Variants in PTPRD observed in about 807,000 individuals in gnomAD.
PTPRD encodes the protein protein tyrosine phosphatase receptor type D, also known as receptor-type tyrosine-protein phosphatase delta.
A neutral mutation model predicts 214.5 loss-of-function variants in PTPRD; 34 were observed. The ratio of observed to expected loss-of-function variants is 0.16; its 90% CI spans 0.12 to 0.21. The LOEUF (loss-of-function observed/expected upper bound fraction) is 0.21. Ranked by LOEUF, PTPRD falls within the 10% of genes least tolerant of loss-of-function variation. The pLI, the probability that PTPRD is intolerant of heterozygous loss-of-function variation, is 1.00. For missense variants in PTPRD, 2,545 were observed against 2,398.7 expected (o/e 1.06, Z -1.27); for synonymous variants, 1,128 against 845.7 (o/e 1.33, Z -5.79).
At chr9:9,007,800 C>CTT (rs35845079) in intron 11 of PTPRD, among the ~76,000 whole-genome samples, 5 of 102,728 alleles carry the variant, frequency 4.9e-5, no homozygotes, top group Non-Finnish European at 6.3e-5. Flanking sequence ...TTGTTTCTTT[C>CTT]TTTTTTTTTT....
chr9:9,912,640 T>G (rs1601871720), intron 5 of PTPRD, among the ~76,000 whole-genome samples: 1 of 152,174 alleles, frequency 6.6e-6, no homozygotes, highest in Non-Finnish European at 1.5e-5. Flanking sequence ...AGTTTGCATC[T>G]CCCTCTGGTG....
intron 33 of PTPRD, among the ~76,000 whole-genome samples, chr9:8,451,670 G>A (rs1040025565): frequency 2.0e-5 from 3 of 152,146 alleles, no homozygotes; most frequent in Admixed American, 6.5e-5. Flanking sequence ...TCAATTCCAC[G>A]TGAAACATAT....
intron 11 of PTPRD, among the ~76,000 whole-genome samples, chr9:9,008,590 G>A (rs988382619): frequency 6.6e-6 from 1 of 152,122 alleles, no homozygotes; most frequent in Non-Finnish European, 1.5e-5. Flanking sequence ...TGGAAAAAAA[G>A]GATGGAGTTA....
At chr9:10,157,106 A>T (rs2099098317) in intron 3 of PTPRD, among the ~76,000 whole-genome samples, 1 of 152,060 alleles carries the variant, frequency 6.6e-6, no homozygotes, top group African/African-American at 2.4e-5. Context: ...GTGCCTTTTG[A>T]TTGGGGGCAT....
intron 11 of PTPRD, among the ~76,000 whole-genome samples, chr9:8,917,088 G>C (rs990144129): frequency 3.4e-5 from 5 of 146,946 alleles, no homozygotes; most frequent in Admixed American, 2.0e-4. Context: ...CCATTGTATA[G>C]GCAATGAGAA....
At chr9:10,150,271 T>A (rs200635729) in intron 3 of PTPRD, among the ~76,000 whole-genome samples, 4 of 152,210 alleles carry the variant, frequency 2.6e-5, no homozygotes, top group Admixed American at 2.6e-4. Context: ...CAAATGTCCA[T>A]CAATGATAGA....
intron 21 of PTPRD, among the ~76,000 whole-genome samples, chr9:8,516,438 A>C (rs958671001): frequency 5.3e-5 from 8 of 152,336 alleles, no homozygotes; most frequent in African/African-American, 1.7e-4. Context: ...TATGAAAATA[A>C]AGGCAGGCGA....
intron 3 of PTPRD, among the ~76,000 whole-genome samples, chr9:10,199,804 C>A (rs555916658): frequency 6.6e-6 from 1 of 151,904 alleles, no homozygotes; most frequent in African/African-American, 2.4e-5. Flanking sequence ...GATCTCCTAT[C>A]TTTCCAACAA....
At position 9,357,966 on chromosome 9, in the gene PTPRD, G is replaced by A. The variant is rs1032595786; in HGVS notation, c.-203+39483C>T. 2.0e-5 allele frequency among the ~76,000 whole-genome samples: 3 copies of A among 151,118 alleles called. No homozygotes were observed. In the South Asian group the frequency reaches 6.2e-4, roughly 31 times the overall value. ...TTAGAATTTGCACTTTCCAAAGAGA[G>A]AAACTATTTCTCTGGAGTTCAGCTG... On this transcript the variant is annotated intron_variant, in intron 9 of 45. Coordinates refer to ENST00000381196, the MANE Select transcript of PTPRD (RefSeq NM_002839.4).
intron 2 of PTPRD, among the ~76,000 whole-genome samples, chr9:10,414,385 G>A (rs1443858484): frequency 6.6e-6 from 1 of 151,902 alleles, no homozygotes; most frequent in African/African-American, 2.4e-5. Flanking sequence ...AAACCACAGT[G>A]AGATACCATC....
intron 3 of PTPRD, among the ~76,000 whole-genome samples, chr9:10,099,884 A>G (rs2098534665): frequency 6.6e-6 from 1 of 151,788 alleles, no homozygotes; most frequent in Non-Finnish European, 1.5e-5. Context: ...AAAAAATGGT[A>G]TCACAACTAA....
intron 3 of PTPRD, among the ~76,000 whole-genome samples, chr9:10,039,113 C>T (rs1259370740): frequency 3.9e-5 from 6 of 152,036 alleles, no homozygotes; most frequent in Admixed American, 3.3e-4. Context: ...CAAAACTCTT[C>T]CTATCCCTAT....
chr9:8,928,268 G>A (rs1055039257), intron 11 of PTPRD, among the ~76,000 whole-genome samples: 1 of 152,130 alleles, frequency 6.6e-6, no homozygotes, highest in Admixed American at 6.6e-5. Context: ...TAGTCATGAA[G>A]TCTTTGCCCA....
chr9:8,871,553 C>G (rs117943540), intron 11 of PTPRD, among the ~76,000 whole-genome samples: 459 of 152,184 alleles, frequency 3.0e-3, no homozygotes, highest in Non-Finnish European at 4.5e-3. Context: ...TATTTAGAAC[C>G]AAGTTCTTGA....
chr9:10,505,701 C>G (rs892043527), intron 2 of PTPRD, among the ~76,000 whole-genome samples: 5 of 149,504 alleles, frequency 3.3e-5, no homozygotes, highest in African/African-American at 1.2e-4. Context: ...AAAAAAAAAA[C>G]TGCAGATTAA....
intron 12 of PTPRD, among the ~76,000 whole-genome samples, chr9:8,696,201 G>A (rs114716137): frequency 0.011 from 1,650 of 152,270 alleles, 32 homozygotes; most frequent in African/African-American, 0.037. Context: ...AAGAGGACAC[G>A]GGATGGGAAA....
chr9:8,460,680 G>C, intron 32 of PTPRD, 109 bp from the exon 33 acceptor site: 2 of 1,089,390 alleles, frequency 1.8e-6, no homozygotes, highest in African/African-American at 1.6e-5. Flanking sequence ...TTAATGATAA[G>C]TGTGTGATGC....
intron 4 of PTPRD, among the ~76,000 whole-genome samples, chr9:9,942,476 T>G (rs148854223): frequency 6.6e-6 from 1 of 152,158 alleles, no homozygotes; most frequent in Non-Finnish European, 1.5e-5. Context: ...TCAATTTGTA[T>G]ATAAGATGTA....
chr9:10,363,678 G>A lies in PTPRD; in HGVS notation c.-599-22661C>T, dbSNP rs186728867. 7.4e-4 allele frequency among the ~76,000 whole-genome samples: 113 copies of A among 152,226 alleles called. 1 individual carries two copies. The highest frequency in any genetic ancestry group is 1.4e-3 in the Non-Finnish European group (94 of 68,008). On this transcript the variant is annotated intron_variant, in intron 2 of 45. Coordinates refer to ENST00000381196, the MANE Select transcript of PTPRD (RefSeq NM_002839.4). ...AATGGAAAAATGCAAAATCATCCAC[G>A]TCAACATTTTTTTGGATTCATTCAT...
Sources: allele counts gnomAD v4.1 joint callset (sites outside exome capture counted in the v4.1 genomes callset), GRCh38; gene constraint gnomAD v4.1.1; transcripts MANE v1.5; gene names NCBI Gene and HGNC (gene_info 2026-07-23, HGNC 2026-07-21).